The following SSTR5 variants were observed in gnomAD, a reference collection of about 807,000 sequenced individuals.
SSTR5 encodes the protein somatostatin receptor type 5.
A neutral mutation model predicts 0.3 loss-of-function variants in SSTR5; 1 was observed. The ratio of observed to expected loss-of-function variants is 2.98; its 90% CI spans 1.06 to 14.15. The LOEUF (loss-of-function observed/expected upper bound fraction) is 14.15. Ranked by LOEUF, SSTR5 falls within the 30% of genes most tolerant of loss-of-function variation. SSTR5 has a pLI of 0.12. For synonymous variants in SSTR5, 256 were observed against 263.1 expected (o/e 0.97, Z 0.26); for missense variants, 516 against 543.2 (o/e 0.95, Z 0.50).
chr16:1,078,892 C>T lies in SSTR5; in HGVS notation c.24C>T (p.Ser8=). MEPLFPA[S]TPSWNASSPG... is the part of the protein sequence containing the mutation. Reference sequence around the variant, plus strand: ...CCATGGAGCCCCTGTTCCCAGCCTCCACGCCCAGCTGGAACGCCTCCTCCC... The same window carrying T: ...CCATGGAGCCCCTGTTCCCAGCCTCTACGCCCAGCTGGAACGCCTCCTCCC... Residue 8 remains serine (S), a synonymous_variant, in exon 2 of 2, where the codon TCC becomes TCT. Coordinates refer to ENST00000689027, the MANE Select transcript of SSTR5 (RefSeq NM_001172560.3). The T allele has an allele frequency of 6.2e-7, 1 of 1,606,648 alleles. No homozygotes were observed. Among genetic ancestry groups the T allele is most frequent in the South Asian group, 1.1e-5 (1 of 90,836 alleles).
intron 1 of SSTR5, chr16:1,078,559 G>A (rs980174505): frequency 4.0e-5 from 19 of 475,648 alleles, no homozygotes; most frequent in South Asian, 1.1e-4. Context: ...CAGGCCAGGC[G>A]CCATCTGGGT....
chr16:1,081,393 A>G lies in SSTR5; in HGVS notation c.*1430A>G, dbSNP rs2076421. ...CTGAGGCCAGGCCTGGGAAACATCC[A>G]AGCAGTGAGGACACGCGTGTTTGAC... is the stretch of plus-strand genomic sequence containing the variant. On this transcript the variant is annotated 3_prime_UTR_variant, in exon 2 of 2. Transcript: ENST00000689027. Among the ~76,000 whole-genome samples, 68,350 of 152,124 alleles carry G rather than the reference A, an allele frequency of 0.45. 15,943 individuals are homozygous for G. The highest frequency in any genetic ancestry group is 0.81 in the East Asian group (4,156 of 5,158).
rs541031900 is a variant in SSTR5 at position 1,079,855 on chromosome 16, C to T, written c.987C>T (p.Asp329=). ...TCCGCAAGGGCTCTGGTGCCAAGGA[C>T]GCTGACGCCACGGAGCCGCGTCCAG... ...LCLRKGSGAK[D]ADATEPRPDR... is the part of the protein sequence containing the mutation. The change falls in exon 2 of 2, where the codon GAC becomes GAT. Residue 329 remains aspartate (D), a synonymous_variant. Coordinates refer to ENST00000689027, the MANE Select transcript of SSTR5 (RefSeq NM_001172560.3). 28 of 1,611,632 alleles carry T rather than the reference C, an allele frequency of 1.7e-5. 1 individual carries two copies. The highest frequency in any genetic ancestry group is 1.7e-4 in the Admixed American group (10 of 59,996).
intron 1 of SSTR5, among the ~76,000 whole-genome samples, chr16:1,074,012 G>A (rs1191589351): frequency 1.3e-5 from 2 of 152,216 alleles, no homozygotes; most frequent in African/African-American, 4.8e-5. Flanking sequence ...CCTCTCCTGG[G>A]GAGGGTATGT....
At position 1,079,396 on chromosome 16, in the gene SSTR5, G is replaced by A. The variant is rs1269517751; in HGVS notation, c.528G>A (p.Val176=). 1 of 1,594,942 alleles carries A rather than the reference G, an allele frequency of 6.3e-7. No homozygotes were observed. Among genetic ancestry groups the A allele is most frequent in the African/African-American group, 1.3e-5 (1 of 74,574 alleles). Residue 176 remains valine, a synonymous_variant, in exon 2 of 2, where the codon GTG becomes GTA. Transcript: ENST00000689027. ...LSLCMSLPLL[V]FADVQEGGTC... ...TGTGCATGTCGCTGCCGCTCCTGGTGTTCGCGGACGTGCAGGAGGGCGGTA... is the reference window on the plus strand; with the variant it reads ...TGTGCATGTCGCTGCCGCTCCTGGTATTCGCGGACGTGCAGGAGGGCGGTA...
chr16:1,079,342 G>A lies in SSTR5; in HGVS notation c.474G>A (p.Leu158=), dbSNP rs762696724. ...GGCGCCGCCCGCGTGTGGCCAAGCT[G>A]GCGAGCGCCGCGGCCTGGGTCCTGT... ...ARWRRPRVAK[L]ASAAAWVLSL... Residue 158 remains leucine, a synonymous_variant, in exon 2 of 2, where the codon CTG becomes CTA. Coordinates refer to ENST00000689027, the MANE Select transcript of SSTR5 (RefSeq NM_001172560.3). The A allele has an allele frequency of 6.2e-7, 1 of 1,604,844 alleles. No individual in the cohort carries two copies. Among genetic ancestry groups the A allele is most frequent in the Admixed American group, 1.7e-5 (1 of 59,446 alleles).
chr16:1,077,709 G>A (rs1405628624), intron 1 of SSTR5: 1 of 152,264 alleles, frequency 6.6e-6, no homozygotes, highest in Non-Finnish European at 1.5e-5. Context: ...ACAGGCTTGA[G>A]CCACTGCACC....
chr16:1,079,373 T>G lies in SSTR5; in HGVS notation c.505T>G (p.Cys169Gly). 1 of 1,597,256 alleles carries G rather than the reference T, an allele frequency of 6.3e-7. No homozygotes were observed. Among genetic ancestry groups the G allele is most frequent in the Non-Finnish European group, 8.5e-7 (1 of 1,172,124 alleles). Residue 169 changes from cysteine (C) to glycine (G), a missense_variant, in exon 2 of 2, where the codon TGC becomes GGC. Physicochemically the swap from Cys to Gly is radical, Grantham distance 159. Transcript: ENST00000689027. ...ASAAAWVLSL[C>G]MSLPLLVFAD... ...CGCCGCGGCCTGGGTCCTGTCTCTG[T>G]GCATGTCGCTGCCGCTCCTGGTGTT...
chr16:1,077,441 T>G (rs1369311325), intron 1 of SSTR5, among the ~76,000 whole-genome samples: 3 of 152,206 alleles, frequency 2.0e-5, no homozygotes, highest in Non-Finnish European at 4.4e-5. Context: ...ATCTTCTTTT[T>G]GAGACAGGGT....
intron 1 of SSTR5, among the ~76,000 whole-genome samples, chr16:1,076,867 A>G (rs1354039927): frequency 6.6e-6 from 1 of 152,132 alleles, no homozygotes; most frequent in Non-Finnish European, 1.5e-5. Flanking sequence ...GATCCTGCAC[A>G]TATTTAAACA....
At position 1,079,426 on chromosome 16, in the gene SSTR5, C is replaced by T. The variant is rs1960303097; in HGVS notation, c.558C>T (p.Cys186=). 1.2e-6 allele frequency: 2 copies of T among 1,601,474 alleles called. No homozygotes were observed. Among genetic ancestry groups the T allele is most frequent in the Non-Finnish European group, 8.5e-7 (1 of 1,174,412 alleles). ...VFADVQEGGT[C]NASWPEPVGL... is the part of the protein sequence containing the mutation. ...CGGACGTGCAGGAGGGCGGTACCTG[C>T]AACGCCAGCTGGCCGGAGCCCGTGG... Residue 186 remains cysteine (C), a synonymous_variant, in exon 2 of 2, where the codon TGC becomes TGT. Transcript: ENST00000689027.
Position 1,080,963 on chromosome 16 carries a change from A to G in SSTR5, c.*1000A>G. On this transcript the variant is annotated 3_prime_UTR_variant, in exon 2 of 2. Transcript: ENST00000689027. Reference sequence around the variant, plus strand: ...ACGGGGACAGGAGCAGAGGACGGTCATCCAGGCGCAGCGGGGAGCTGCTCC... The same window carrying G: ...ACGGGGACAGGAGCAGAGGACGGTCGTCCAGGCGCAGCGGGGAGCTGCTCC... 2.2e-6 allele frequency: 1 copy of G among 450,120 alleles called. No homozygotes were observed. The highest frequency in any genetic ancestry group is 4.7e-6 in the Non-Finnish European group (1 of 214,304). The allele number at this position is 450,120 out of a possible 1,614,324, so 27.9% of individuals were successfully genotyped here.
intron 1 of SSTR5, among the ~76,000 whole-genome samples, chr16:1,073,408 G>A (rs575455705): frequency 1.4e-4 from 21 of 152,334 alleles, no homozygotes; most frequent in Admixed American, 1.2e-3. Context: ...CAGCTGGGTC[G>A]GTGAGCTCCT....
rs1392226401 is a variant in SSTR5 at position 1,081,260 on chromosome 16, T to A, written c.*1297T>A. The A allele has an allele frequency of 2.5e-6, 1 of 392,204 alleles. No homozygotes were observed. The highest frequency in any genetic ancestry group is 5.4e-6 in the Non-Finnish European group (1 of 186,634). The allele number at this position is 392,204 out of a possible 1,614,324, so 24.3% of individuals were successfully genotyped here. ...GGGACCCCTCTGCCCTGCCCAGCAC[T>A]GGCCCCGACCCGTGCTCCCGCCGTC... is the stretch of plus-strand genomic sequence containing the variant. On this transcript the variant is annotated 3_prime_UTR_variant, in exon 2 of 2. Transcript: ENST00000689027.
At chr16:1,075,090 C>A (rs1960165962) in intron 1 of SSTR5, among the ~76,000 whole-genome samples, 1 of 152,196 alleles carries the variant, frequency 6.6e-6, no homozygotes, top group Non-Finnish European at 1.5e-5. Flanking sequence ...GACAGGGCCA[C>A]CGGGACAATT....
At position 1,079,724 on chromosome 16, in the gene SSTR5, T is replaced by A; in HGVS notation, c.856T>A (p.Tyr286Asn). 1 of 1,612,292 alleles carries A rather than the reference T, an allele frequency of 6.2e-7. No homozygotes were observed. Residue 286 changes from tyrosine (Y) to asparagine (N), a missense_variant, in exon 2 of 2, where the codon TAC becomes AAC. By Grantham distance (143) the Tyr-to-Asn change is moderately radical. Coordinates refer to ENST00000689027, the MANE Select transcript of SSTR5 (RefSeq NM_001172560.3). Reference sequence around the variant, plus strand: ...CCAGGAGCCCGCCTCCGCCGGCCTCTACTTCTTCGTGGTCATCCTCTCCTA... The same window carrying A: ...CCAGGAGCCCGCCTCCGCCGGCCTCAACTTCTTCGTGGTCATCCTCTCCTA... ...LPQEPASAGLYFFVVILSYAN... is the reference protein window; with the variant it reads ...LPQEPASAGLNFFVVILSYAN...
At chr16:1,074,050 C>T (rs572854248) in intron 1 of SSTR5, among the ~76,000 whole-genome samples, 1 of 152,318 alleles carries the variant, frequency 6.6e-6, no homozygotes, top group East Asian at 1.9e-4. Flanking sequence ...GCCGCAGGGA[C>T]AGGTGGCGTG....
In SSTR5 at chr16:1,079,939, G is replaced by C; in HGVS notation, c.1071G>C (p.Gly357=). The change falls in exon 2 of 2, where the codon GGG becomes GGC. Residue 357 remains glycine, a synonymous_variant. Coordinates refer to ENST00000689027, the MANE Select transcript of SSTR5 (RefSeq NM_001172560.3). ...TPPAHRAAAN[G]LMQTSKL ...CCGCGCACCGCGCCGCAGCCAACGG[G>C]CTTATGCAGACCAGCAAGCTGTGAG... 6.2e-7 allele frequency: 1 copy of C among 1,604,852 alleles called. No homozygotes were observed. Among genetic ancestry groups the C allele is most frequent in the Non-Finnish European group, 8.5e-7 (1 of 1,176,378 alleles).
intron 1 of SSTR5, among the ~76,000 whole-genome samples, chr16:1,074,659 G>A (rs1001931479): frequency 7.2e-5 from 11 of 152,364 alleles, no homozygotes; most frequent in South Asian, 4.1e-4. Context: ...GGTCCCCGTC[G>A]TGGGGAGGTG....
Sources: gnomAD v4.1 joint callset for allele counts (sites outside exome capture counted in the v4.1 genomes callset) on GRCh38, gnomAD v4.1.1 for gene constraint, MANE v1.5 for transcripts, NCBI Gene and HGNC (gene_info 2026-07-23, HGNC 2026-07-21) for gene names.